Variants in TMEM183A observed in about 807,000 individuals in gnomAD.
The protein encoded by TMEM183A is transmembrane protein 183A, also known as chromosome 1 open reading frame 37.
TMEM183A carries 21 observed loss-of-function variants against 46.7 expected under a neutral mutation model. That is an observed-to-expected ratio of 0.45 (90% CI 0.32 to 0.65). The LOEUF is 0.65. Among genes scored for constraint, TMEM183A ranks in the 30% least tolerant of loss-of-function variants. The pLI, the probability that TMEM183A is intolerant of heterozygous loss-of-function variation, is 0.04. For missense variants in TMEM183A, 331 were observed against 481.9 expected (o/e 0.69, Z 2.93); for synonymous variants, 165 against 180.2 (o/e 0.92, Z 0.68).
chr1:203,022,097 C>T (rs749328219), intron 7 of TMEM183A, among the ~76,000 whole-genome samples: 17 of 152,002 alleles, frequency 1.1e-4, no homozygotes, highest in African/African-American at 3.6e-4. Context: ...GATGGAGTCT[C>T]GCTCTGTAGT....
At chr1:203,012,235 T>TCACACACACACA (rs56743654) in intron 3 of TMEM183A, among the ~76,000 whole-genome samples, 3,426 of 80,768 alleles carry the variant, frequency 0.042, 294 homozygotes, top group Middle Eastern at 0.062. Context: ...CCCCACTCCA[T>TCACACACACACA]CACACACACA....
chr1:203,020,785 C>G lies in TMEM183A; in HGVS notation c.790-8C>G. On this transcript the variant is annotated splice_polypyrimidine_tract_variant and splice_region_variant and intron_variant, in intron 6 of 7. Transcript: ENST00000367242. ...TAAGCCATTGGATTAATTCTCAGTT[C>G]TCTTCAGTCCCCTAGGTTAAAGAGC... The G allele has an allele frequency of 2.5e-6, 4 of 1,613,728 alleles. No homozygotes were observed. The highest frequency in any genetic ancestry group is 3.4e-6 in the Non-Finnish European group (4 of 1,179,772).
chr1:203,016,753 C>T (rs1316831765), intron 5 of TMEM183A, among the ~76,000 whole-genome samples: 1 of 152,204 alleles, frequency 6.6e-6, no homozygotes, highest in Non-Finnish European at 1.5e-5. Context: ...CTTTTTATCT[C>T]AGGATTTCCC....
At chr1:203,008,042 A>G (rs1656150048) in intron 2 of TMEM183A, among the ~76,000 whole-genome samples, 179 bp downstream of exon 2, 2 of 152,060 alleles carry the variant, frequency 1.3e-5, no homozygotes, top group South Asian at 2.1e-4. Context: ...TGTAGCAGAA[A>G]TATTTTCTTT....
At chr1:203,008,052 T>C (rs889024705) in intron 2 of TMEM183A, among the ~76,000 whole-genome samples, 189 bp downstream of exon 2, 1 of 149,212 alleles carries the variant, frequency 6.7e-6, no homozygotes, top group African/African-American at 2.4e-5. Context: ...ATATTTTCTT[T>C]CTTTCTTTGC....
At chr1:203,022,007 T>C (rs989536360) in intron 7 of TMEM183A, among the ~76,000 whole-genome samples, 1 of 152,222 alleles carries the variant, frequency 6.6e-6, no homozygotes, top group South Asian at 2.1e-4. Flanking sequence ...TCTGTTAATA[T>C]GTATGTACTC....
chr1:203,007,579 G>C lies in TMEM183A; in HGVS notation c.109+5G>C. 6.5e-7 allele frequency: 1 copy of C among 1,545,808 alleles called. No individual in the cohort carries two copies. Among genetic ancestry groups the C allele is most frequent in the Non-Finnish European group, 8.7e-7 (1 of 1,151,236 alleles). Reference sequence around the variant, plus strand: ...ACGACGCCTGCTCCGGCCGAGGTGGGCGAGGGGGGCAGGGGCGCTGAAACA... The same window carrying C: ...ACGACGCCTGCTCCGGCCGAGGTGGCCGAGGGGGGCAGGGGCGCTGAAACA... On this transcript the variant is annotated splice_donor_5th_base_variant and intron_variant, in intron 1 of 7. Coordinates refer to ENST00000367242, the MANE Select transcript of TMEM183A (RefSeq NM_138391.6).
intron 4 of TMEM183A, chr1:203,015,289 G>A: frequency 1.8e-6 from 1 of 552,818 alleles, no homozygotes; most frequent in Non-Finnish European, 3.1e-6. Context: ...TCAGCAAAAC[G>A]TCTTGCTTCA....
At chr1:203,016,535 A>AT (rs1268127638) in intron 5 of TMEM183A, among the ~76,000 whole-genome samples, 2 of 152,018 alleles carry the variant, frequency 1.3e-5, no homozygotes, top group Non-Finnish European at 2.9e-5. Context: ...ACATCTCACT[A>AT]TTTTTCTCTT....
chr1:203,012,195 G>T (rs1571606656), intron 3 of TMEM183A, among the ~76,000 whole-genome samples: 1 of 42,178 alleles, frequency 2.4e-5, no homozygotes, highest in African/African-American at 8.2e-5. Context: ...CGGTTATTTT[G>T]AAACGGCCAT....
intron 6 of TMEM183A, 119 bp from the exon 7 acceptor site, chr1:203,020,674 A>T: frequency 8.0e-7 from 1 of 1,249,122 alleles, no homozygotes; most frequent in Non-Finnish European, 1.1e-6. Flanking sequence ...ATGTATAAAG[A>T]GAGAAGATAA....
intron 6 of TMEM183A, among the ~76,000 whole-genome samples, chr1:203,019,900 A>G (rs1004314332): frequency 2.6e-5 from 4 of 151,720 alleles, no homozygotes; most frequent in African/African-American, 9.7e-5. Context: ...CTTATGTGGA[A>G]TTATGAGCAG....
At chr1:203,007,653 G>T (rs1656086230) in intron 1 of TMEM183A, 79 bp downstream of exon 1, 3 of 1,532,372 alleles carry the variant, frequency 2.0e-6, no homozygotes, top group Non-Finnish European at 1.8e-6. Flanking sequence ...CGAGGTGAGC[G>T]CTCGCGTGCC....
intron 6 of TMEM183A, among the ~76,000 whole-genome samples, chr1:203,020,238 A>C (rs1657540349): frequency 6.6e-6 from 1 of 152,166 alleles, no homozygotes; most frequent in African/African-American, 2.4e-5. Flanking sequence ...AGATCTGCAC[A>C]GTCTGTGATA....
Position 203,022,871 on chromosome 1 carries a change from G to A in TMEM183A, c.962G>A (p.Ser321Asn). ...CCATTTCAGTTTACTATCAATGTGA[G>A]CACGGACATGCGGCATCATCGAGTG... is the stretch of plus-strand genomic sequence containing the variant. ...MIFTLFTINV[S>N]TDMRHHRVRL... Residue 321 changes from serine to asparagine, a missense_variant, in exon 8 of 8, where the codon AGC becomes AAC. Ser to Asn is a conservative substitution (Grantham distance 46, BLOSUM62 1). This residue lies in a region of TMEM183A where 233 missense variants were observed against 385.8 expected (regional missense o/e 0.60). Coordinates refer to ENST00000367242, the MANE Select transcript of TMEM183A (RefSeq NM_138391.6). The A allele has an allele frequency of 6.2e-7, 1 of 1,613,780 alleles. No individual in the cohort carries two copies. The highest frequency in any genetic ancestry group is 8.5e-7 in the Non-Finnish European group (1 of 1,179,818).
intron 1 of TMEM183A, 69 bp downstream of exon 1, chr1:203,007,643 C>G (rs1046648182): frequency 6.7e-5 from 102 of 1,528,816 alleles, no homozygotes; most frequent in Non-Finnish European, 8.7e-5. Context: ...TGGACCGTGC[C>G]GAGGTGAGCG....
At position 203,013,818 on chromosome 1, in the gene TMEM183A, G is replaced by A. The variant is rs1313544717; in HGVS notation, c.368-1071G>A. On this transcript the variant is annotated intron_variant, in intron 3 of 7. Transcript: ENST00000367242. This position sits in a 1 kb window ranked among gnomAD's most constrained non-coding sequence, Gnocchi z 4.0. ...GTGAGCCACCGTGCCCGGCCTAAGT[G>A]CCATCTCAGCTCACTGCAACCTCCA... is the stretch of plus-strand genomic sequence containing the variant. Among the ~76,000 whole-genome samples, 1 of 143,444 alleles carries A rather than the reference G, an allele frequency of 7.0e-6. No individual in the cohort carries two copies. The highest frequency in any genetic ancestry group is 1.5e-5 in the Non-Finnish European group (1 of 66,106). 94.1% of individuals were successfully genotyped at this position (143,444 alleles called of 152,430 possible). A position where few individuals can be genotyped will look rare whatever the true frequency, so the allele number is the denominator to read the frequency against.
Position 203,007,384 on chromosome 1 carries a change from T to C in TMEM183A, c.-82T>C. 7.8e-7 allele frequency: 1 copy of C among 1,282,806 alleles called. No individual in the cohort carries two copies. Among genetic ancestry groups the C allele is most frequent in the Non-Finnish European group, 1.0e-6 (1 of 1,003,506 alleles). 79.5% of individuals were successfully genotyped at this position (1,282,806 alleles called of 1,614,324 possible). On this transcript the variant is annotated 5_prime_UTR_variant, in exon 1 of 8. Coordinates refer to ENST00000367242, the MANE Select transcript of TMEM183A (RefSeq NM_138391.6). ...ACCCGGACCTATGTTCTCGCGAGAG[T>C]TAGCGGCCTCCGGTGTGGGATGGCC...
At chr1:203,009,306 T>C (rs12073340) in intron 3 of TMEM183A, among the ~76,000 whole-genome samples, 9,363 of 152,234 alleles carry the variant, frequency 0.062, 979 homozygotes, top group African/African-American at 0.22. Context: ...CTAATAAGTA[T>C]TGTGGGAAAT....
Sources: gnomAD v4.1 joint callset for allele counts (sites outside exome capture counted in the v4.1 genomes callset) on GRCh38, gnomAD v4.1.1 for gene constraint, gnomAD v4.1.1 regional missense constraint, Gnocchi (gnomAD v3.1) non-coding constraint, MANE v1.5 for transcripts, NCBI Gene and HGNC (gene_info 2026-07-23, HGNC 2026-07-21) for gene names.